The following GCC2 variants were observed in gnomAD, a reference collection of about 807,000 sequenced individuals.
The protein encoded by GCC2 is GRIP and coiled-coil domain containing 2.
In GCC2, 120 loss-of-function variants were observed where a neutral mutation model predicts 210.6. That is an observed-to-expected ratio of 0.57 (90% CI 0.49 to 0.66). The LOEUF is 0.66. Ranked by LOEUF, GCC2 falls within the 30% of genes least tolerant of loss-of-function variation. The pLI, the probability that GCC2 is intolerant of heterozygous loss-of-function variation, is 0.00. For synonymous variants in GCC2, 703 were observed against 652.7 expected, an observed-to-expected ratio of 1.08 and a Z score of -1.17; for missense variants, 1,868 against 1,871.9, an observed-to-expected ratio of 1.00 and a Z score of 0.04.
chr2:108,506,513 G>T (rs964880885), intron 22 of GCC2, among the ~76,000 whole-genome samples: 1 of 152,182 alleles, frequency 6.6e-6, no homozygotes, highest in Admixed American at 6.5e-5. Context: ...GGCCTTGGTC[G>T]GTGGTGGTAC....
chr2:108,507,803 A>T lies in GCC2; in HGVS notation c.*173A>T, dbSNP rs1396342090. ...AAGTTTCATCTTGAAGTAAAAGTAC[A>T]ACAGCTTGAAGTGTTGATAGCAGGC... On this transcript the variant is annotated 3_prime_UTR_variant, in exon 23 of 23. Transcript: ENST00000309863. 7.5e-6 allele frequency: 4 copies of T among 532,488 alleles called. No individual in the cohort carries two copies. The highest frequency in any genetic ancestry group is 3.9e-5 in the African/African-American group (2 of 51,430). The allele number at this position is 532,488 out of a possible 1,614,324, so 33.0% of individuals were successfully genotyped here. A position where few individuals can be genotyped will look rare whatever the true frequency, so the allele number is the denominator to read the frequency against.
chr2:108,463,626 A>C (rs964733729), intron 4 of GCC2, among the ~76,000 whole-genome samples: 9 of 152,158 alleles, frequency 5.9e-5, no homozygotes, highest in Non-Finnish European at 1.2e-4. Context: ...CCTGGGCCCC[A>C]GAGTGTGTCT....
At chr2:108,490,316 G>C (rs1255696277) in intron 18 of GCC2, among the ~76,000 whole-genome samples, 8 of 152,012 alleles carry the variant, frequency 5.3e-5, no homozygotes, top group African/African-American at 1.9e-4. Flanking sequence ...TCCAACCCAA[G>C]TATCAAATCA....
At chr2:108,469,523 GT>G (rs1321164485) in intron 5 of GCC2, 127 bp from the exon 6 acceptor site, 2 of 632,054 alleles carry the variant, frequency 3.2e-6, no homozygotes, top group Non-Finnish European at 5.5e-6. Context: ...TCAGTATCAT[GT>G]TTCTCCAAAT....
In GCC2 at chr2:108,471,837, T is replaced by C. The variant is rs367728508; in HGVS notation, c.2508T>C (p.Tyr836=). 2.5e-6 allele frequency: 4 copies of C among 1,613,474 alleles called. No individual in the cohort carries two copies. The highest frequency in any genetic ancestry group is 1.7e-5 in the Admixed American group (1 of 59,958). The part of the protein sequence containing the change: ...CEELKSLLRD[Y]EQEKVLLRKE... ...AACTTAAGTCTTTATTGAGAGACTA[T>C]GAGCAAGAGAAAGTTCTCTTAAGGA... The change falls in exon 6 of 23, where the codon TAT becomes TAC. Residue 836 remains tyrosine, a synonymous_variant. Coordinates refer to ENST00000309863, the MANE Select transcript of GCC2 (RefSeq NM_181453.4).
intron 9 of GCC2, among the ~76,000 whole-genome samples, chr2:108,480,609 A>T (rs1318575057): frequency 6.6e-6 from 1 of 152,198 alleles, no homozygotes; most frequent in Non-Finnish European, 1.5e-5. Context: ...AGGGACATGT[A>T]TGAAGCTGGA....
chr2:108,495,506 AT>A (rs766586636), intron 20 of GCC2, 21 bp downstream of exon 20: 1 of 1,503,052 alleles, frequency 6.7e-7, no homozygotes, highest in East Asian at 2.3e-5. Flanking sequence ...CTGTCTAAAT[AT>A]GTTTTTCTTA....
At chr2:108,486,458 TTAAC>T (rs1682143869) in intron 15 of GCC2, 49 bp from the exon 16 acceptor site, 4 of 1,585,682 alleles carry the variant, frequency 2.5e-6, no homozygotes, top group African/African-American at 2.7e-5. Flanking sequence ...GAAAACCTCT[TTAAC>T]TAGTGAAGAT....
chr2:108,476,176 C>G (rs1237391031), intron 9 of GCC2, among the ~76,000 whole-genome samples: 1 of 150,826 alleles, frequency 6.6e-6, no homozygotes, highest in Non-Finnish European at 1.5e-5. Flanking sequence ...TCTCCTGCCA[C>G]AGGCTCCCGA....
At chr2:108,500,884 A>G (rs887644863) in intron 22 of GCC2, among the ~76,000 whole-genome samples, 7 of 152,070 alleles carry the variant, frequency 4.6e-5, no homozygotes, top group African/African-American at 1.7e-4. Flanking sequence ...TCTGTCACCT[A>G]TACCTAGTTT....
intron 9 of GCC2, among the ~76,000 whole-genome samples, chr2:108,477,605 G>A (rs1681608931): frequency 6.6e-6 from 1 of 152,074 alleles, no homozygotes; most frequent in African/African-American, 2.4e-5. Flanking sequence ...TTCCTTCTAA[G>A]GAATTAGGTT....
intron 7 of GCC2, among the ~76,000 whole-genome samples, chr2:108,474,411 A>ATT (rs1161420857): frequency 6.6e-6 from 1 of 152,238 alleles, no homozygotes; most frequent in Non-Finnish European, 1.5e-5. Flanking sequence ...GATGTATCAA[A>ATT]TAAGATGAGT....
Position 108,507,597 on chromosome 2 carries a change from A to G in GCC2, c.5022A>G (p.Ala1674=). The part of the protein sequence containing the change: ...EENASRSSGW[A]SYLHSWSGLR ...ATGCTTCCCGTTCTTCTGGATGGGCATCCTATCTTCATAGTTGGTCTGGAC... is the reference window on the plus strand; with the variant it reads ...ATGCTTCCCGTTCTTCTGGATGGGCGTCCTATCTTCATAGTTGGTCTGGAC... Residue 1674 remains alanine (A), a synonymous_variant, in exon 23 of 23, where the codon GCA becomes GCG. Transcript: ENST00000309863. 1 of 1,603,476 alleles carries G rather than the reference A, an allele frequency of 6.2e-7. No individual in the cohort carries two copies. The highest frequency in any genetic ancestry group is 1.1e-5 in the South Asian group (1 of 90,234).
intron 4 of GCC2, among the ~76,000 whole-genome samples, chr2:108,460,784 G>C (rs2104423679): frequency 6.6e-6 from 1 of 152,332 alleles, no homozygotes; most frequent in Non-Finnish European, 1.5e-5. Flanking sequence ...TGTTGGAGGT[G>C]AGGCCTAGTG....
rs761006452 is a variant in GCC2 at position 108,470,945 on chromosome 2, G to A, written c.1616G>A (p.Arg539His). ...GATGCCCTTCTCGAAACTGTGAATC[G>A]CCTCCAGGGAGAAAATGAAAAGTTA... ...EKDALLETVNRLQGENEKLLS... is the reference protein window; with the variant it reads ...EKDALLETVNHLQGENEKLLS... Residue 539 changes from arginine to histidine, a missense_variant, in exon 6 of 23, where the codon CGC becomes CAC. Coordinates refer to ENST00000309863, the MANE Select transcript of GCC2 (RefSeq NM_181453.4). 2.9e-5 allele frequency: 46 copies of A among 1,612,610 alleles called. 1 individual carries two copies. The highest frequency in any genetic ancestry group is 1.4e-4 in the South Asian group (13 of 91,036).
intron 2 of GCC2, 129 bp downstream of exon 2, chr2:108,449,818 T>G: frequency 1.5e-6 from 1 of 689,082 alleles, no homozygotes. Flanking sequence ...GGGATCTCAA[T>G]TTTAGTGTGC....
intron 4 of GCC2, 78 bp downstream of exon 4, chr2:108,452,544 C>A: frequency 2.3e-6 from 2 of 851,142 alleles, no homozygotes; most frequent in Non-Finnish European, 4.0e-6. Flanking sequence ...GGCTATCTGG[C>A]TTTCTGTTTC....
intron 4 of GCC2, among the ~76,000 whole-genome samples, chr2:108,468,213 C>G (rs913389499): frequency 6.6e-6 from 1 of 152,020 alleles, no homozygotes; most frequent in Non-Finnish European, 1.5e-5. Context: ...AGGCACCCAC[C>G]ACCACACCCA....
chr2:108,452,833 A>G (rs964112514), intron 4 of GCC2, among the ~76,000 whole-genome samples: 1 of 151,608 alleles, frequency 6.6e-6, no homozygotes, highest in Non-Finnish European at 1.5e-5. Flanking sequence ...AGCTGGGACT[A>G]CAGGCGCCCG....
Sources: gnomAD v4.1 joint callset for allele counts (sites outside exome capture counted in the v4.1 genomes callset) on GRCh38, gnomAD v4.1.1 for gene constraint, MANE v1.5 for transcripts, NCBI Gene and HGNC (gene_info 2026-07-23, HGNC 2026-07-21) for gene names.